The following FOXP2 variants were observed in gnomAD, a reference collection of about 807,000 sequenced individuals.
The protein encoded by FOXP2 is forkhead box protein P2.
In FOXP2, 12 loss-of-function variants were observed where a neutral mutation model predicts 115.8. The ratio of observed to expected loss-of-function variants is 0.10; its 90% CI spans 0.07 to 0.17. The LOEUF is 0.17. Among genes scored for constraint, FOXP2 ranks in the 10% least tolerant of loss-of-function variants. FOXP2 has a pLI of 1.00. For synonymous variants in FOXP2, 328 were observed against 297.7 expected (o/e 1.10, Z -1.05); for missense variants, 629 against 843.5 (o/e 0.75, Z 3.15).
intron 1 of FOXP2, among the ~76,000 whole-genome samples, chr7:114,197,224 A>C (rs1442635697): frequency 3.3e-5 from 5 of 152,154 alleles, no homozygotes; most frequent in Non-Finnish European, 7.4e-5. Flanking sequence ...AAAAACAAAA[A>C]AGACCCACCT....
intron 1 of FOXP2, among the ~76,000 whole-genome samples, chr7:114,264,713 A>T (rs962582521): frequency 2.0e-5 from 3 of 152,194 alleles, no homozygotes; most frequent in Non-Finnish European, 4.4e-5. Context: ...TAATTGGCTC[A>T]CCATTCTACA....
intron 1 of FOXP2, among the ~76,000 whole-genome samples, chr7:114,106,631 T>G (rs769463510): frequency 6.6e-6 from 1 of 152,016 alleles, no homozygotes; most frequent in Non-Finnish European, 1.5e-5. Flanking sequence ...AAAATCTGAC[T>G]TTGTGAATGT....
At chr7:114,199,089 C>T (rs892498906) in intron 1 of FOXP2, among the ~76,000 whole-genome samples, 1 of 152,174 alleles carries the variant, frequency 6.6e-6, no homozygotes, top group Admixed American at 6.5e-5. Context: ...GTGATCCTAG[C>T]TCACTCAGCC....
intron 2 of FOXP2, among the ~76,000 whole-genome samples, chr7:114,514,078 G>T (rs1584832503): frequency 8.7e-6 from 1 of 115,354 alleles, no homozygotes; most frequent in East Asian, 2.4e-4. Context: ...TCTTAACATT[G>T]TATCTTATAC....
chr7:114,646,601 G>A (rs1043354791), intron 8 of FOXP2, among the ~76,000 whole-genome samples: 2 of 151,994 alleles, frequency 1.3e-5, no homozygotes, highest in African/African-American at 2.4e-5. Context: ...ACTAATGACA[G>A]GAGGTTTTAA....
At chr7:114,631,818 T>C in intron 6 of FOXP2, 113 bp downstream of exon 6, 1 of 1,056,730 alleles carries the variant, frequency 9.5e-7, no homozygotes, top group South Asian at 1.4e-5. Context: ...TCAAATTTAT[T>C]ATTAAAACGT....
Position 114,439,826 on chromosome 7 carries a change from G to A in FOXP2, c.168+13147G>A, listed in dbSNP as rs960680302. ...TGAGCTCAAGAGATCTGCCCGCCTT[G>A]ACCTCCACAAGTGCTGCTGTTACAG... On this transcript the variant is annotated intron_variant, in intron 2 of 16. Coordinates refer to ENST00000350908, the MANE Select transcript of FOXP2 (RefSeq NM_014491.4). 2.0e-4 allele frequency among the ~76,000 whole-genome samples: 30 copies of A among 152,090 alleles called. No homozygotes were observed. The East Asian group carries it at 5.8e-3, about 29-fold the overall frequency.
At chr7:114,640,674 A>T (rs979377935) in intron 6 of FOXP2, among the ~76,000 whole-genome samples, 1 of 152,134 alleles carries the variant, frequency 6.6e-6, no homozygotes, top group African/African-American at 2.4e-5. Context: ...TGACTATTCC[A>T]ACCTGCTTCA....
intron 3 of FOXP2, among the ~76,000 whole-genome samples, chr7:114,583,453 G>A (rs1042224933): frequency 2.4e-4 from 36 of 151,698 alleles, no homozygotes; most frequent in Non-Finnish European, 4.3e-4. Context: ...TGAGCCTCAC[G>A]ACTTTGTTTC....
rs1000605239 is a variant in FOXP2 at position 114,213,032 on chromosome 7, A to G, written c.-102+49944A>G. On this transcript the variant is annotated intron_variant, in intron 1 of 17. Coordinates refer to the FOXP2 transcript ENST00000634411. ...TGACTTACAGAAGACCTTTATGGTC[A>G]GTATTCCAGTGTTACTAAACTGGAT... 2.6e-5 allele frequency among the ~76,000 whole-genome samples: 4 copies of G among 152,254 alleles called. No individual in the cohort carries two copies. In the East Asian group the frequency reaches 7.7e-4, roughly 29 times the overall value.
intron 2 of FOXP2, among the ~76,000 whole-genome samples, chr7:114,471,176 A>G (rs1562946157): frequency 1.3e-5 from 2 of 152,182 alleles, no homozygotes; most frequent in Non-Finnish European, 1.5e-5. Flanking sequence ...CACAATTTCA[A>G]TTATAGTGTA....
At chr7:114,485,958 T>C (rs1430234495) in intron 2 of FOXP2, among the ~76,000 whole-genome samples, 1 of 152,176 alleles carries the variant, frequency 6.6e-6, no homozygotes. Context: ...AGACATAGTC[T>C]CCTCATTTGC....
chr7:114,520,182 G>A (rs997436915), intron 2 of FOXP2, among the ~76,000 whole-genome samples: 3 of 151,998 alleles, frequency 2.0e-5, no homozygotes, highest in African/African-American at 7.2e-5. Flanking sequence ...AATTGCTTCT[G>A]TAAAACAATG....
chr7:114,251,082 G>T (rs762592547), intron 1 of FOXP2, among the ~76,000 whole-genome samples: 5 of 152,122 alleles, frequency 3.3e-5, no homozygotes, highest in African/African-American at 9.7e-5. Context: ...GCTTTTGTCA[G>T]ATTTGTCAAA....
intron 1 of FOXP2, among the ~76,000 whole-genome samples, chr7:114,194,368 T>C (rs1384183620): frequency 6.6e-6 from 1 of 152,064 alleles, no homozygotes; most frequent in African/African-American, 2.4e-5. Flanking sequence ...CCTTTATCTT[T>C]CTCTCTGTCT....
chr7:114,665,602 C>T (rs1281944671), intron 16 of FOXP2: 2 of 151,996 alleles, frequency 1.3e-5, no homozygotes, highest in African/African-American at 2.4e-5. Context: ...TTTACTCTAT[C>T]ACCTTTGCAA....
intron 2 of FOXP2, among the ~76,000 whole-genome samples, chr7:114,291,888 A>ATG (rs1308954506): frequency 3.9e-5 from 5 of 128,684 alleles, no homozygotes; most frequent in African/African-American, 1.9e-4. Context: ...TATATAGAAT[A>ATG]TATATTATAG....
chr7:114,568,722 A>G (rs1366058245), intron 3 of FOXP2, among the ~76,000 whole-genome samples: 1 of 151,884 alleles, frequency 6.6e-6, no homozygotes, highest in Admixed American at 6.6e-5. Context: ...CCCTTAAATT[A>G]CCATTTAAGG....
At chr7:114,433,214 T>A (rs1794190078) in intron 2 of FOXP2, among the ~76,000 whole-genome samples, 1 of 152,046 alleles carries the variant, frequency 6.6e-6, no homozygotes, top group Non-Finnish European at 1.5e-5. Flanking sequence ...CTAGTCCATT[T>A]AAATCCATTC....
Sources: gnomAD v4.1 joint callset for allele counts (sites outside exome capture counted in the v4.1 genomes callset) on GRCh38, gnomAD v4.1.1 for gene constraint, MANE v1.5 for transcripts, NCBI Gene and HGNC (gene_info 2026-07-23, HGNC 2026-07-21) for gene names.